PTPRA: variants seen among roughly 807,000 people sequenced by gnomAD.
PTPRA encodes the protein protein tyrosine phosphatase receptor type A, also known as receptor-type tyrosine-protein phosphatase alpha.
In PTPRA, 25 loss-of-function variants were observed where a neutral mutation model predicts 104.8. The observed-to-expected ratio is 0.24, with a 90% confidence interval of 0.17 to 0.33. The LOEUF (loss-of-function observed/expected upper bound fraction) is 0.33. Among genes scored for constraint, PTPRA ranks in the 10% least tolerant of loss-of-function variants. PTPRA has a pLI of 1.00. For missense variants in PTPRA, 765 were observed against 1,015.3 expected, an observed-to-expected ratio of 0.75 and a Z score of 3.35; for synonymous variants, 323 against 368.9, an observed-to-expected ratio of 0.88 and a Z score of 1.43.
intron 11 of PTPRA, among the ~76,000 whole-genome samples, chr20:3,013,703 G>C (rs528265491): frequency 6.6e-6 from 1 of 152,002 alleles, no homozygotes; most frequent in African/African-American, 2.4e-5. Flanking sequence ...GAGCCACCGC[G>C]CCCAGCCTAG....
At chr20:2,908,833 A>G (rs1600095772) in intron 1 of PTPRA, among the ~76,000 whole-genome samples, 2 of 152,246 alleles carry the variant, frequency 1.3e-5, no homozygotes, top group African/African-American at 4.8e-5. Context: ...AATGATAGTT[A>G]TGTACTAATA....
At chr20:2,939,936 G>A (rs1600143783) in intron 2 of PTPRA, among the ~76,000 whole-genome samples, 1 of 152,096 alleles carries the variant, frequency 6.6e-6, no homozygotes, top group South Asian at 2.1e-4. Flanking sequence ...GTGAAACCCC[G>A]TCTCTACTAA....
At chr20:3,031,698 A>C (rs2065462297) in intron 20 of PTPRA, among the ~76,000 whole-genome samples, 1 of 152,022 alleles carries the variant, frequency 6.6e-6, no homozygotes, top group Admixed American at 6.6e-5. Flanking sequence ...GTCTTCATCA[A>C]GTCCTTAGAG....
At chr20:3,007,458 G>T in intron 11 of PTPRA, 38 bp downstream of exon 11, 1 of 1,573,010 alleles carries the variant, frequency 6.4e-7, no homozygotes, top group South Asian at 1.1e-5. Context: ...TTCCCTGCCT[G>T]ACCATTGCCA....
At position 3,005,099 on chromosome 20, in the gene PTPRA, C is replaced by T. The variant is rs759844617; in HGVS notation, c.782C>T (p.Ser261Phe). The T allele has an allele frequency of 1.9e-6, 3 of 1,612,276 alleles. No individual in the cohort carries two copies. In the East Asian group the frequency reaches 6.7e-5, roughly 36 times the overall value. The change falls in exon 10 of 24, where the codon TCC becomes TTC. Residue 261 changes from serine (S) to phenylalanine (F), a missense_variant. Ser to Phe is a radical substitution (Grantham distance 155, BLOSUM62 -2). Around this residue, in one of 4 missense-constraint regions of PTPRA, gnomAD observed 245 missense variants for 398.7 expected, o/e 0.61. Coordinates refer to ENST00000399903, the MANE Select transcript of PTPRA (RefSeq NM_001385305.1). ...ATCCAGGCCACCTGTGAGGCTGCTT[C>T]CAAGGAGGAAAACAAGGAAAAAAAT... ...CPIQATCEAA[S>F]KEENKEKNRY... is the part of the protein sequence containing the mutation.
intron 2 of PTPRA, among the ~76,000 whole-genome samples, chr20:2,935,549 T>A (rs2060664275): frequency 1.3e-5 from 2 of 152,188 alleles, no homozygotes; most frequent in Non-Finnish European, 2.9e-5. Flanking sequence ...CATATAGTAG[T>A]TCTATTTAAA....
intron 1 of PTPRA, among the ~76,000 whole-genome samples, chr20:2,879,185 C>T (rs1485805547): frequency 6.6e-6 from 1 of 152,188 alleles, no homozygotes; most frequent in African/African-American, 2.4e-5. Context: ...AGTTCAGCAG[C>T]TAAACAACAT....
chr20:2,952,575 A>G (rs751924770), intron 3 of PTPRA, among the ~76,000 whole-genome samples: 1 of 152,184 alleles, frequency 6.6e-6, no homozygotes, highest in Non-Finnish European at 1.5e-5. Context: ...ATAATACAAA[A>G]TTTAACATTT....
chr20:2,881,909 A>G (rs1486409707), intron 1 of PTPRA, among the ~76,000 whole-genome samples: 3 of 152,168 alleles, frequency 2.0e-5, no homozygotes, highest in African/African-American at 7.2e-5. Context: ...CTGAGGCAGG[A>G]GAATCGCTTG....
chr20:2,874,656 T>C (rs2089596953), intron 1 of PTPRA, among the ~76,000 whole-genome samples: 1 of 152,116 alleles, frequency 6.6e-6, no homozygotes, highest in African/African-American at 2.4e-5. Flanking sequence ...GAGGACTGAC[T>C]AGGAAAGGGC....
intron 2 of PTPRA, among the ~76,000 whole-genome samples, chr20:2,926,169 A>G (rs1356374320): frequency 1.3e-5 from 2 of 152,104 alleles, no homozygotes; most frequent in Non-Finnish European, 1.5e-5. Flanking sequence ...ACCTTACACT[A>G]TCCCCCCATT....
intron 9 of PTPRA, among the ~76,000 whole-genome samples, chr20:2,997,993 A>G (rs1296590821): frequency 6.6e-6 from 1 of 152,102 alleles, no homozygotes; most frequent in East Asian, 1.9e-4. Flanking sequence ...GCCAGGCGTG[A>G]TGGCACATGC....
intron 2 of PTPRA, among the ~76,000 whole-genome samples, chr20:2,944,267 C>T (rs199941604): frequency 5.3e-5 from 8 of 152,102 alleles, no homozygotes; most frequent in Non-Finnish European, 1.0e-4. Context: ...GTCTCGAACT[C>T]CTCACCTCAA....
At position 3,038,173 on chromosome 20, in the gene PTPRA, A is replaced by ATAT; in HGVS notation, c.*42_*44dup. 7 of 1,531,756 alleles carry ATAT rather than the reference A, an allele frequency of 4.6e-6. No individual in the cohort carries two copies. Among genetic ancestry groups the ATAT allele is most frequent in the Non-Finnish European group, 6.3e-6 (7 of 1,105,976 alleles). The allele number at this position is 1,531,756 out of a possible 1,614,324, so 94.9% of individuals were successfully genotyped here. A position where few individuals can be genotyped will look rare whatever the true frequency, so the allele number is the denominator to read the frequency against. The stretch of plus-strand genomic sequence containing the variant: ...CCGTGGACCAGGAGGATTGCCTTTA[A>ATAT]TATTTTGTAATATTCTGTTTTGTTA... On this transcript the variant is annotated 3_prime_UTR_variant, in exon 24 of 24. Transcript: ENST00000399903.
intron 1 of PTPRA, among the ~76,000 whole-genome samples, chr20:2,910,797 G>A (rs1385236119): frequency 6.6e-6 from 1 of 150,504 alleles, no homozygotes; most frequent in African/African-American, 2.4e-5. Context: ...AGTAGAGACG[G>A]GGTTTCACTG....
intron 2 of PTPRA, among the ~76,000 whole-genome samples, chr20:2,938,572 T>G (rs1428915272): frequency 6.6e-6 from 1 of 152,154 alleles, no homozygotes; most frequent in Non-Finnish European, 1.5e-5. Context: ...AGCATGAATG[T>G]TAGATCTTTG....
chr20:2,931,840 T>C (rs1434315405), intron 2 of PTPRA, among the ~76,000 whole-genome samples: 2 of 152,052 alleles, frequency 1.3e-5, no homozygotes, highest in African/African-American at 2.4e-5. Flanking sequence ...CCCTCAGGCC[T>C]CCTGAGTTGC....
At chr20:2,988,232 C>T (rs543101121) in intron 8 of PTPRA, 106 bp from the exon 9 acceptor site, 763 of 1,528,400 alleles carry the variant, frequency 5.0e-4, no homozygotes, top group Non-Finnish European at 6.3e-4. Flanking sequence ...AGAAAACAGT[C>T]CTAGTTCTTA....
intron 3 of PTPRA, among the ~76,000 whole-genome samples, chr20:2,957,760 G>A (rs2061590834): frequency 6.6e-6 from 1 of 152,004 alleles, no homozygotes; most frequent in African/African-American, 2.4e-5. Flanking sequence ...TTATTTTCTT[G>A]GAAGGGTAGG....
Sources: gnomAD v4.1 joint callset for allele counts (sites outside exome capture counted in the v4.1 genomes callset) on GRCh38, gnomAD v4.1.1 for gene constraint, gnomAD v4.1.1 regional missense constraint, MANE v1.5 for transcripts, NCBI Gene and HGNC (gene_info 2026-07-23, HGNC 2026-07-21) for gene names.